ADAMTS12: variants seen among roughly 807,000 people sequenced by gnomAD.
The protein encoded by ADAMTS12 is A disintegrin and metalloproteinase with thrombospondin motifs 12.
In ADAMTS12, 118 loss-of-function variants were observed where a neutral mutation model predicts 167.8. The ratio of observed to expected loss-of-function variants is 0.70; its 90% CI spans 0.61 to 0.82. The LOEUF (loss-of-function observed/expected upper bound fraction) is 0.82. Among genes scored for constraint, ADAMTS12 ranks in the 40% least tolerant of loss-of-function variants. The probability of loss-of-function intolerance (pLI) is 0.00; values close to 1 mark genes in which losing one functional copy is unlikely to be tolerated. For synonymous variants in ADAMTS12, 704 were observed against 716.9 expected (o/e 0.98, Z 0.29); for missense variants, 1,916 against 1,998.8 (o/e 0.96, Z 0.79).
intron 3 of ADAMTS12, among the ~76,000 whole-genome samples, chr5:33,693,710 C>T (rs923271933): frequency 6.6e-6 from 1 of 152,136 alleles, no homozygotes; most frequent in Non-Finnish European, 1.5e-5. Flanking sequence ...CAGCTAACAT[C>T]ATATCAAATG....
At chr5:33,809,132 T>C (rs1011928829) in intron 2 of ADAMTS12, among the ~76,000 whole-genome samples, 7 of 152,234 alleles carry the variant, frequency 4.6e-5, no homozygotes, top group African/African-American at 1.7e-4. Context: ...CTTTGAATGA[T>C]AGTTCACTTC....
At chr5:33,579,416 G>C (rs183511713) in intron 18 of ADAMTS12, among the ~76,000 whole-genome samples, 5 of 152,296 alleles carry the variant, frequency 3.3e-5, no homozygotes, top group African/African-American at 1.2e-4. Context: ...TATTAGACTA[G>C]ATAGTAACAT....
chr5:33,808,126 G>A (rs1747309958), intron 2 of ADAMTS12, among the ~76,000 whole-genome samples: 1 of 152,292 alleles, frequency 6.6e-6, no homozygotes, highest in South Asian at 2.1e-4. Flanking sequence ...CACGAGCCGC[G>A]TACAGAAAGA....
At chr5:33,793,971 T>C (rs2112461928) in intron 2 of ADAMTS12, among the ~76,000 whole-genome samples, 1 of 152,302 alleles carries the variant, frequency 6.6e-6, no homozygotes, top group East Asian at 1.9e-4. Context: ...TGTTACAAAG[T>C]TCAGCTAGAG....
intron 3 of ADAMTS12, among the ~76,000 whole-genome samples, chr5:33,718,854 G>C (rs556548129): frequency 6.6e-6 from 1 of 152,174 alleles, no homozygotes; most frequent in Non-Finnish European, 1.5e-5. Flanking sequence ...GCATGCACTT[G>C]CCTAGGTACT....
At chr5:33,619,730 C>G (rs192561435) in intron 14 of ADAMTS12, among the ~76,000 whole-genome samples, 28 of 152,232 alleles carry the variant, frequency 1.8e-4, no homozygotes, top group Non-Finnish European at 4.0e-4. Flanking sequence ...GAGTCTCGCT[C>G]TGTCACCAGG....
rs1579834117 is a variant in ADAMTS12 at position 33,683,861 on chromosome 5, T to C, written c.829A>G (p.Met277Val). The C allele has an allele frequency of 6.5e-7, 1 of 1,526,786 alleles. No homozygotes were observed. Among genetic ancestry groups the C allele is most frequent in the South Asian group, 1.3e-5 (1 of 75,144 alleles). 94.6% of individuals were successfully genotyped at this position (1,526,786 alleles called of 1,614,324 possible). ...VESYILTIMNMVTGLFHNPSI... is the reference protein window; with the variant it reads ...VESYILTIMNVVTGLFHNPSI... ...AGCCCCCATGTAGTCTGGCATACCA[T>C]GTTCATGATGGTGAGGATGTAGGAC... is the stretch of plus-strand genomic sequence containing the variant. Residue 277 changes from methionine to valine, a missense_variant and splice_region_variant, in exon 4 of 24, where the codon ATG becomes GTG. Transcript: ENST00000504830.
At chr5:33,889,523 T>C (rs12654089) in intron 1 of ADAMTS12, among the ~76,000 whole-genome samples, 37,371 of 152,160 alleles carry the variant, frequency 0.25, 5,439 homozygotes, top group Middle Eastern at 0.4. Flanking sequence ...CCCTCATCCA[T>C]CCCTTCCTCC....
intron 17 of ADAMTS12, among the ~76,000 whole-genome samples, chr5:33,589,341 T>C (rs1747526116): frequency 1.3e-5 from 2 of 152,218 alleles, no homozygotes; most frequent in Non-Finnish European, 2.9e-5. Flanking sequence ...TGGCTCTTAA[T>C]TGAATGTAAA....
At chr5:33,741,504 G>T (rs1561246237) in intron 3 of ADAMTS12, among the ~76,000 whole-genome samples, 1 of 152,132 alleles carries the variant, frequency 6.6e-6, no homozygotes. Flanking sequence ...ACATTCTGAG[G>T]TCCTGGGGGT....
rs188333763 is a variant in ADAMTS12 at position 33,639,557 on chromosome 5, C to T, written c.1719-1811G>A. Among the ~76,000 whole-genome samples, 10 of 152,266 alleles carry T rather than the reference C, an allele frequency of 6.6e-5. No individual in the cohort carries two copies. In the Middle Eastern group the frequency reaches 0.01, roughly 155 times the overall value. ...GTGCAAAGGCAGAAGGCATGTCGAG[C>T]GAGCAGTCCAGATGAAATCGTATTC... On this transcript the variant is annotated intron_variant, in intron 11 of 23. Coordinates refer to ENST00000504830, the MANE Select transcript of ADAMTS12 (RefSeq NM_030955.4).
At chr5:33,585,076 TCCA>T (rs1747275867) in intron 18 of ADAMTS12, among the ~76,000 whole-genome samples, 1 of 148,812 alleles carries the variant, frequency 6.7e-6, no homozygotes, top group African/African-American at 2.4e-5. Flanking sequence ...CATCCATCCA[TCCA>T]TCCCTCCAAG....
intron 2 of ADAMTS12, among the ~76,000 whole-genome samples, chr5:33,785,212 T>G (rs1746284636): frequency 1.3e-5 from 2 of 152,008 alleles, no homozygotes. Flanking sequence ...CTGAAACTAT[T>G]AGAACTATGG....
chr5:33,736,321 C>T (rs1016555811), intron 3 of ADAMTS12, among the ~76,000 whole-genome samples: 1 of 152,138 alleles, frequency 6.6e-6, no homozygotes, highest in Non-Finnish European at 1.5e-5. Flanking sequence ...GCTTGGCCTC[C>T]CAAAATGCTG....
intron 20 of ADAMTS12, among the ~76,000 whole-genome samples, chr5:33,556,155 A>C (rs1211395235): frequency 6.6e-6 from 1 of 152,244 alleles, no homozygotes; most frequent in Non-Finnish European, 1.5e-5. Context: ...AAGTAAGTAG[A>C]GGCAATATCA....
chr5:33,563,456 T>G (rs909977990), intron 19 of ADAMTS12, among the ~76,000 whole-genome samples: 5 of 152,150 alleles, frequency 3.3e-5, no homozygotes, highest in African/African-American at 9.7e-5. Flanking sequence ...AAACTAAACC[T>G]GGGCTGGCCT....
At chr5:33,781,473 T>A (rs894729738) in intron 2 of ADAMTS12, among the ~76,000 whole-genome samples, 1 of 152,280 alleles carries the variant, frequency 6.6e-6, no homozygotes, top group Non-Finnish European at 1.5e-5. Context: ...AGGATGGCCA[T>A]GTGACCAGAC....
chr5:33,571,194 G>C (rs1746320395), intron 19 of ADAMTS12, among the ~76,000 whole-genome samples: 1 of 152,080 alleles, frequency 6.6e-6, no homozygotes, highest in African/African-American at 2.4e-5. Flanking sequence ...CAACGAGACA[G>C]AAAGTTAACA....
At chr5:33,718,546 C>T (rs1225683785) in intron 3 of ADAMTS12, among the ~76,000 whole-genome samples, 1 of 152,122 alleles carries the variant, frequency 6.6e-6, no homozygotes, top group African/African-American at 2.4e-5. Flanking sequence ...ACAGTTTCAT[C>T]CCAAAACTAT....
Sources: gnomAD v4.1 joint callset for allele counts (sites outside exome capture counted in the v4.1 genomes callset) on GRCh38, gnomAD v4.1.1 for gene constraint, MANE v1.5 for transcripts, NCBI Gene and HGNC (gene_info 2026-07-23, HGNC 2026-07-21) for gene names.